CIBAR2: variants seen among roughly 807,000 people sequenced by gnomAD.
CIBAR2 encodes CBY1-interacting BAR domain-containing protein 2.
A neutral mutation model predicts 36.2 loss-of-function variants in CIBAR2; 38 were observed. That is an observed-to-expected ratio of 1.05 (90% CI 0.81 to 1.38). The LOEUF (loss-of-function observed/expected upper bound fraction) is 1.38, where lower values mean the gene tolerates loss of function less well. Among genes scored for constraint, CIBAR2 ranks in the 40% most tolerant of loss-of-function variants. CIBAR2 has a pLI of 0.00. For missense variants in CIBAR2, 481 were observed against 383.4 expected, an observed-to-expected ratio of 1.25 and a Z score of -2.13; for synonymous variants, 182 against 149.5, an observed-to-expected ratio of 1.22 and a Z score of -1.58.
intron 3 of CIBAR2, 36 bp downstream of exon 3, chr16:85,107,995 C>G (rs1346989495): frequency 1.2e-6 from 2 of 1,613,648 alleles, no homozygotes; most frequent in Non-Finnish European, 1.7e-6. Context: ...CAGGGCAAGA[C>G]AGGGATGCCA....
chr16:85,099,276 AACCTGCCATGAT>A lies in CIBAR2; in HGVS notation c.812_823del (p.Asn271_Phe275delinsIle), dbSNP rs774353729. On this transcript the variant is annotated inframe_deletion, in exon 9 of 9. Transcript: ENST00000539556. Reference sequence around the variant, plus strand: ...CTTAACCACCCACTCACAGAGACTAAACCTGCCATGATTGGCATGAGGATGTTCAGGGTCTTC... The same window carrying A: ...CTTAACCACCCACTCACAGAGACTAATGGCATGAGGATGTTCAGGGTCTTC... The A allele has an allele frequency of 3.7e-6, 6 of 1,614,000 alleles. No individual in the cohort carries two copies. In the East Asian group the frequency reaches 8.9e-5, roughly 24 times the overall value.
chr16:85,099,144 G>A lies in CIBAR2; in HGVS notation c.*41C>T, dbSNP rs767028098. On this transcript the variant is annotated 3_prime_UTR_variant, in exon 9 of 9. Coordinates refer to ENST00000539556, the MANE Select transcript of CIBAR2 (RefSeq NM_198491.3). The stretch of plus-strand genomic sequence containing the variant: ...AGAACAAAGCCTCCAGGCAGTCTGG[G>A]ATTATTTTAAACGGCTTGGGATTGC... 3 of 1,467,800 alleles carry A rather than the reference G, an allele frequency of 2.0e-6. No homozygotes were observed. Among genetic ancestry groups the A allele is most frequent in the Non-Finnish European group, 1.8e-6 (2 of 1,108,756 alleles). 90.9% of individuals were successfully genotyped at this position (1,467,800 alleles called of 1,614,324 possible).
chr16:85,107,964 G>A lies in CIBAR2; in HGVS notation c.325-17C>T, dbSNP rs749489528. The A allele has an allele frequency of 1.3e-5, 21 of 1,613,152 alleles. No homozygotes were observed. Among genetic ancestry groups the A allele is most frequent in the East Asian group, 2.2e-5 (1 of 44,880 alleles). On this transcript the variant is annotated splice_polypyrimidine_tract_variant and intron_variant, in intron 3 of 8. Coordinates refer to ENST00000539556, the MANE Select transcript of CIBAR2 (RefSeq NM_198491.3). ...GATCTCAGCCTGCAGAAAAGGAGGA[G>A]GGTTGTTTCCTGGGATCCCACAGGG...
intron 6 of CIBAR2, among the ~76,000 whole-genome samples, chr16:85,102,648 C>G (rs1277046447): frequency 1.3e-5 from 2 of 152,080 alleles, no homozygotes; most frequent in Non-Finnish European, 2.9e-5. Context: ...CCTGTCTCTA[C>G]TAAGTACATA....
chr16:85,110,131 TGGCCACAGCAG>T, intron 2 of CIBAR2, 84 bp downstream of exon 2: 1 of 905,234 alleles, frequency 1.1e-6, no homozygotes, highest in Admixed American at 2.5e-5. Context: ...CCATTGGCTG[TGGCCACAGCAG>T]GGCTCCTGCA....
At chr16:85,104,661 A>G (rs932288730) in intron 6 of CIBAR2, among the ~76,000 whole-genome samples, 2 of 152,158 alleles carry the variant, frequency 1.3e-5, no homozygotes, top group African/African-American at 4.8e-5. Context: ...GGTTGCAGTG[A>G]GTGGAGATCA....
At chr16:85,110,602 C>T in intron 1 of CIBAR2, 142 bp from the exon 2 acceptor site, 2 of 597,422 alleles carry the variant, frequency 3.3e-6, no homozygotes. Context: ...GGCTGTCACT[C>T]AAGGTGGCAG....
intron 2 of CIBAR2, among the ~76,000 whole-genome samples, chr16:85,109,902 C>T (rs571714558): frequency 1.1e-3 from 170 of 152,268 alleles, no homozygotes; most frequent in African/African-American, 3.9e-3. Context: ...CCTGACTCCC[C>T]ACCAGGATTT....
intron 6 of CIBAR2, among the ~76,000 whole-genome samples, 180 bp from the exon 7 acceptor site, chr16:85,102,507 A>G (rs17790259): frequency 2.0e-3 from 298 of 152,268 alleles, no homozygotes; most frequent in Non-Finnish European, 3.5e-3. Context: ...ACACATTTGC[A>G]TGGTTCAAAA....
chr16:85,102,993 C>G (rs796695635), intron 6 of CIBAR2, among the ~76,000 whole-genome samples: 1 of 150,510 alleles, frequency 6.6e-6, no homozygotes, highest in African/African-American at 2.4e-5. Context: ...TCTCCGCCTC[C>G]CGGGTTCAAG....
At chr16:85,102,116 G>A in intron 7 of CIBAR2, 98 bp downstream of exon 7, 1 of 707,206 alleles carries the variant, frequency 1.4e-6, no homozygotes, top group East Asian at 2.5e-5. Flanking sequence ...TAGAAAAGTT[G>A]TGAAATGTTA....
At chr16:85,100,473 A>G (rs1420648845) in intron 7 of CIBAR2, among the ~76,000 whole-genome samples, 1 of 152,346 alleles carries the variant, frequency 6.6e-6, no homozygotes, top group East Asian at 1.9e-4. Flanking sequence ...GAGGCCAGGT[A>G]ACATGACCAT....
At chr16:85,112,271 C>T (rs369945069) in intron 1 of CIBAR2, 62 bp downstream of exon 1, 107 of 1,488,226 alleles carry the variant, frequency 7.2e-5, no homozygotes, top group Non-Finnish European at 9.0e-5. Context: ...TTTGTTGGTG[C>T]CCCGGGCCTC....
chr16:85,109,954 C>T (rs563503556), intron 2 of CIBAR2, among the ~76,000 whole-genome samples: 1 of 152,312 alleles, frequency 6.6e-6, no homozygotes, highest in South Asian at 2.1e-4. Context: ...GATGTGTCTC[C>T]TTCGGGGGTT....
rs1014284860 is a variant in CIBAR2 at position 85,108,210 on chromosome 16, C to T, written c.256-111G>A. 3.8e-5 allele frequency: 39 copies of T among 1,038,960 alleles called. No individual in the cohort carries two copies. The South Asian group carries it at 3.8e-4, about 10-fold the overall frequency. The allele number at this position is 1,038,960 out of a possible 1,614,324, so 64.4% of individuals were successfully genotyped here. On this transcript the variant is annotated intron_variant, in intron 2 of 8. Transcript: ENST00000539556. ...GAGCCGCGTGTCCAGAGCTGTGCGG[C>T]GGGAGGTGGAGCGCGAGGTGCCCTC...
At position 85,102,313 on chromosome 16, in the gene CIBAR2, G is replaced by C. The variant is rs765304902; in HGVS notation, c.552C>G (p.Asp184Glu). ...KLKDLQKFFC[D>E]FVTIEMVFHA... Reference sequence around the variant, plus strand: ...GGAAAACCATCTCAATAGTTACAAAGTCACAAAAAAATTTCTGTGGGGAGA... The same window carrying C: ...GGAAAACCATCTCAATAGTTACAAACTCACAAAAAAATTTCTGTGGGGAGA... Residue 184 changes from aspartate to glutamate, a missense_variant, in exon 7 of 9, where the codon GAC becomes GAG. By Grantham distance (45) the Asp-to-Glu change is conservative (BLOSUM62 2). Coordinates refer to ENST00000539556, the MANE Select transcript of CIBAR2 (RefSeq NM_198491.3). 2 of 1,610,786 alleles carry C rather than the reference G, an allele frequency of 1.2e-6. No homozygotes were observed. Among genetic ancestry groups the C allele is most frequent in the Non-Finnish European group, 1.7e-6 (2 of 1,177,152 alleles).
At chr16:85,101,826 C>T (rs966460334) in intron 7 of CIBAR2, among the ~76,000 whole-genome samples, 7 of 152,040 alleles carry the variant, frequency 4.6e-5, no homozygotes, top group African/African-American at 1.4e-4. Context: ...CCCACCACCA[C>T]GCCTGGCTAA....
At chr16:85,101,270 G>C (rs2073953342) in intron 7 of CIBAR2, among the ~76,000 whole-genome samples, 1 of 152,144 alleles carries the variant, frequency 6.6e-6, no homozygotes, top group African/African-American at 2.4e-5. Flanking sequence ...GGAGATCTTA[G>C]TAATTGTTGA....
Position 85,110,238 on chromosome 16 carries a change from G to T in CIBAR2, c.243C>A (p.Tyr81Ter). Reference protein sequence around the residue: ...FAEDLAKVQDYRQAQVERLET... With the variant: ...FAEDLAKVQD Reference sequence around the variant, plus strand: ...CGGCAGCACTCACCTGGGCCTGCCGGTAATCCTGCACTTTGGCCAGGTCCT... The same window carrying T: ...CGGCAGCACTCACCTGGGCCTGCCGTTAATCCTGCACTTTGGCCAGGTCCT... Residue 81 changes from tyrosine to a stop codon, truncating the protein, a stop_gained, in exon 2 of 9, where the codon TAC becomes TAA. Coordinates refer to ENST00000539556, the MANE Select transcript of CIBAR2 (RefSeq NM_198491.3). LOFTEE classifies it high-confidence loss of function. 1.3e-6 allele frequency: 2 copies of T among 1,567,250 alleles called. No homozygotes were observed. The highest frequency in any genetic ancestry group is 1.7e-6 in the Non-Finnish European group (2 of 1,152,728).
Sources: gnomAD v4.1 joint callset for allele counts (sites outside exome capture counted in the v4.1 genomes callset) on GRCh38, gnomAD v4.1.1 for gene constraint, MANE v1.5 for transcripts, NCBI Gene and HGNC (gene_info 2026-07-23, HGNC 2026-07-21) for gene names.